The following SUCLG2 variants were observed in gnomAD, a reference collection of about 807,000 sequenced individuals.
SUCLG2 encodes succinate-CoA ligase GDP-forming subunit beta.
SUCLG2 carries 42 observed loss-of-function variants against 47.9 expected under a neutral mutation model. The ratio of observed to expected loss-of-function variants is 0.88; its 90% CI spans 0.69 to 1.14. The LOEUF (loss-of-function observed/expected upper bound fraction) is 1.14. SUCLG2 is among the 50% of genes most tolerant of loss of function. The pLI is 0.00. For synonymous variants in SUCLG2, 195 were observed against 197.3 expected (o/e 0.99, Z 0.10); for missense variants, 571 against 525.9 (o/e 1.09, Z -0.84).
Position 67,609,460 on chromosome 3 carries a change from C to G in SUCLG2, c.221G>C (p.Arg74Thr). Residue 74 changes from arginine to threonine, a missense_variant, in exon 2 of 11, where the codon AGA becomes ACA. Physicochemically the swap from Arg to Thr is moderately conservative, Grantham distance 71. Coordinates refer to ENST00000307227, the MANE Select transcript of SUCLG2 (RefSeq NM_003848.4). ...TANEALEAAK[R>T]LNAKEIVLKA... Reference sequence around the variant, plus strand: ...CCCATTATGAATCAGCTTACTTAGTCTCTTAGCAGCCTCGAGAGCTTCATT... The same window carrying G: ...CCCATTATGAATCAGCTTACTTAGTGTCTTAGCAGCCTCGAGAGCTTCATT... 2 of 1,611,872 alleles carry G rather than the reference C, an allele frequency of 1.2e-6. No individual in the cohort carries two copies. Among genetic ancestry groups the G allele is most frequent in the South Asian group, 1.1e-5 (1 of 90,888 alleles).
At chr3:67,466,487 A>C (rs1262020971) in intron 9 of SUCLG2, among the ~76,000 whole-genome samples, 1 of 152,248 alleles carries the variant, frequency 6.6e-6, no homozygotes, top group Non-Finnish European at 1.5e-5. Flanking sequence ...GCCTCCATCT[A>C]TCTAACTGGC....
Position 67,520,597 on chromosome 3 carries a change from G to C in SUCLG2, c.455C>G (p.Thr152Ser), listed in dbSNP as rs1033381754. The change falls in exon 5 of 11, where the codon ACC becomes AGC. Residue 152 changes from threonine (T) to serine (S), a missense_variant. By Grantham distance (58) the Thr-to-Ser change is moderately conservative. Coordinates refer to ENST00000307227, the MANE Select transcript of SUCLG2 (RefSeq NM_003848.4). Reference protein sequence around the residue: ...VAEALDISRETYLAILMDRSC... With the variant: ...VAEALDISRESYLAILMDRSC... ...CCGGTCCATCAGAATTGCCAGGTAGGTTTCTCTGGAAATATCCAAGGCTTC... is the reference window on the plus strand; with the variant it reads ...CCGGTCCATCAGAATTGCCAGGTAGCTTTCTCTGGAAATATCCAAGGCTTC... 6.2e-7 allele frequency: 1 copy of C among 1,613,678 alleles called. No individual in the cohort carries two copies. The highest frequency in any genetic ancestry group is 1.1e-5 in the South Asian group (1 of 90,956).
intron 6 of SUCLG2, among the ~76,000 whole-genome samples, chr3:67,510,121 G>T (rs978006237): frequency 6.6e-6 from 1 of 152,194 alleles, no homozygotes; most frequent in African/African-American, 2.4e-5. Flanking sequence ...TGTTCCTGGA[G>T]CATGTGGTTG....
chr3:67,554,564 T>C (rs960934599), intron 2 of SUCLG2, among the ~76,000 whole-genome samples: 2 of 152,174 alleles, frequency 1.3e-5, no homozygotes, highest in African/African-American at 2.4e-5. Context: ...TTCATTTCCT[T>C]CTTGTCTAGA....
chr3:67,451,009 A>T (rs13067498), intron 9 of SUCLG2, among the ~76,000 whole-genome samples: 5,110 of 152,288 alleles, frequency 0.034, 110 homozygotes, highest in African/African-American at 0.058. Flanking sequence ...TCACTTGCTT[A>T]TCTCATAAAA....
intron 4 of SUCLG2, among the ~76,000 whole-genome samples, chr3:67,526,035 T>C (rs1334502520): frequency 6.6e-6 from 1 of 152,224 alleles, no homozygotes. Flanking sequence ...GACAAAAATA[T>C]ATTGTTTCAC....
chr3:67,409,171 T>G (rs1702880961), intron 9 of SUCLG2: 1 of 945,928 alleles, frequency 1.1e-6, no homozygotes, highest in African/African-American at 1.7e-5. Context: ...CATTTCCTAG[T>G]TAGATGGGGC....
intron 2 of SUCLG2, among the ~76,000 whole-genome samples, chr3:67,585,291 T>C (rs13314548): frequency 0.023 from 3,543 of 152,158 alleles, 132 homozygotes; most frequent in African/African-American, 0.081. Flanking sequence ...ACCAATCCAG[T>C]CCTTCGAATT....
At chr3:67,549,854 CT>C (rs925588985) in intron 2 of SUCLG2, among the ~76,000 whole-genome samples, 222 of 148,572 alleles carry the variant, frequency 1.5e-3, no homozygotes, top group African/African-American at 4.7e-3. Context: ...TAAATTTTTT[CT>C]TTTTTTTTTA....
rs575767607 is a variant in SUCLG2 at position 67,495,380 on chromosome 3, C to T, written c.1062+418G>A. ...TATAAGACAGAAGTTGTGGGCTGGGCGCGGTGGCTCATGCCTGTAATTTCA... is the reference window on the plus strand; with the variant it reads ...TATAAGACAGAAGTTGTGGGCTGGGTGCGGTGGCTCATGCCTGTAATTTCA... On this transcript the variant is annotated intron_variant, in intron 9 of 10. Transcript: ENST00000307227. Among the ~76,000 whole-genome samples, 14 of 152,176 alleles carry T rather than the reference C, an allele frequency of 9.2e-5. No individual in the cohort carries two copies. In the South Asian group the frequency reaches 2.9e-3, roughly 32 times the overall value.
chr3:67,401,405 C>G (rs996021505), intron 9 of SUCLG2, among the ~76,000 whole-genome samples: 1 of 151,892 alleles, frequency 6.6e-6, no homozygotes, highest in Non-Finnish European at 1.5e-5. Context: ...AGACAGCAAC[C>G]TTTTGATTAA....
intron 10 of SUCLG2, among the ~76,000 whole-genome samples, chr3:67,378,447 ACT>A (rs1392248733): frequency 6.6e-6 from 1 of 152,106 alleles, no homozygotes; most frequent in Non-Finnish European, 1.5e-5. Context: ...CTGAGGGCAA[ACT>A]CTGGCCAACG....
intron 9 of SUCLG2, among the ~76,000 whole-genome samples, chr3:67,419,187 C>A (rs1703099315): frequency 2.6e-5 from 4 of 152,182 alleles, no homozygotes; most frequent in Admixed American, 2.6e-4. Context: ...AACTGACTTT[C>A]TGTTGATGGC....
chr3:67,544,806 A>G (rs1398147777), intron 2 of SUCLG2, among the ~76,000 whole-genome samples: 3 of 152,200 alleles, frequency 2.0e-5, no homozygotes, highest in Non-Finnish European at 2.9e-5. Flanking sequence ...ACTTCAAATA[A>G]AGCAGCAAAT....
At chr3:67,457,684 CTTTTTTTTTTTT>C (rs71109889) in intron 9 of SUCLG2, among the ~76,000 whole-genome samples, 4 of 65,510 alleles carry the variant, frequency 6.1e-5, no homozygotes, top group South Asian at 6.3e-4. Flanking sequence ...ACAAAAGCAG[CTTTTTTTTTTTT>C]TTTTTTTTTT....
chr3:67,367,894 A>AAT (rs2106745679), intron 10 of SUCLG2, among the ~76,000 whole-genome samples: 1 of 152,274 alleles, frequency 6.6e-6, no homozygotes, highest in Non-Finnish European at 1.5e-5. Context: ...TTATATATGG[A>AAT]ATATATATAA....
chr3:67,579,318 A>G (rs949396817), intron 2 of SUCLG2, among the ~76,000 whole-genome samples: 2 of 152,186 alleles, frequency 1.3e-5, no homozygotes, highest in African/African-American at 2.4e-5. Flanking sequence ...TAATTTAAGT[A>G]GAAATAAGTT....
rs534874237 is a variant in SUCLG2, at chr3:67,650,973, C to T, written c.84+3530G>A. Among the ~76,000 whole-genome samples, 7 of 152,164 alleles carry T rather than the reference C, an allele frequency of 4.6e-5. No individual in the cohort carries two copies. The South Asian group carries it at 1.0e-3, about 23-fold the overall frequency. On this transcript the variant is annotated intron_variant, in intron 1 of 10. Transcript: ENST00000307227. Reference sequence around the variant, plus strand: ...TCATATCTTGCCCACCATGGCAGTGCCTGGCTATATTACACCACCAAGTAC... The same window carrying T: ...TCATATCTTGCCCACCATGGCAGTGTCTGGCTATATTACACCACCAAGTAC...
At position 67,520,761 on chromosome 3, in the gene SUCLG2, T is replaced by C. The variant is rs1706079596; in HGVS notation, c.418-127A>G. The C allele has an allele frequency of 4.7e-6, 5 of 1,059,104 alleles. No homozygotes were observed. In the African/African-American group the frequency reaches 6.4e-5, roughly 14 times the overall value. The allele number at this position is 1,059,104 out of a possible 1,614,324, so 65.6% of individuals were successfully genotyped here. On this transcript the variant is annotated intron_variant, in intron 4 of 10. Transcript: ENST00000307227. ...GGCTCTTACAGCCCAGGGAGTGAGT[T>C]TGCAGAGCTTTGAGAGTTCTGCTCT...
Sources: gnomAD v4.1 joint callset for allele counts (sites outside exome capture counted in the v4.1 genomes callset) on GRCh38, gnomAD v4.1.1 for gene constraint, MANE v1.5 for transcripts, NCBI Gene and HGNC (gene_info 2026-07-23, HGNC 2026-07-21) for gene names.